Variants in THSD7B observed in about 807,000 individuals in gnomAD.
THSD7B encodes thrombospondin type 1 domain containing 7B, also known as thrombospondin type-1 domain-containing protein 7B.
THSD7B carries 138 observed loss-of-function variants against 213.6 expected under a neutral mutation model. That is an observed-to-expected ratio of 0.65 (90% CI 0.56 to 0.74). THSD7B has a LOEUF of 0.74. Among genes scored for constraint, THSD7B ranks in the 30% least tolerant of loss-of-function variants. The pLI is 0.00. For synonymous variants in THSD7B, 742 were observed against 687.0 expected (o/e 1.08, Z -1.25); for missense variants, 1,931 against 1,991.5 (o/e 0.97, Z 0.58).
intron 16 of THSD7B, among the ~76,000 whole-genome samples, chr2:137,571,724 CA>C (rs1681358922): frequency 6.6e-6 from 1 of 152,150 alleles, no homozygotes; most frequent in African/African-American, 2.4e-5. Context: ...GTACTTATCT[CA>C]AAACCTGACA....
intron 2 of THSD7B, among the ~76,000 whole-genome samples, chr2:136,913,574 T>C (rs1348126106): frequency 6.6e-6 from 1 of 152,146 alleles, no homozygotes; most frequent in African/African-American, 2.4e-5. Flanking sequence ...AGGCCCAGGA[T>C]CCCCATGCTG....
At chr2:137,451,233 C>T (rs574625834) in intron 15 of THSD7B, among the ~76,000 whole-genome samples, 2 of 151,692 alleles carry the variant, frequency 1.3e-5, no homozygotes, top group Admixed American at 1.3e-4. Context: ...AACTTGGTAT[C>T]CTTAGTAGTA....
chr2:137,057,873 A>G lies in THSD7B; in HGVS notation c.950+643A>G, dbSNP rs550596058. Among the ~76,000 whole-genome samples, 106 of 152,354 alleles carry G rather than the reference A, an allele frequency of 7.0e-4. 1 individual carries two copies. The highest frequency in any genetic ancestry group is 2.5e-3 in the African/African-American group (105 of 41,586). On this transcript the variant is annotated intron_variant, in intron 3 of 27. Transcript: ENST00000409968. ...AAGCAACAGCTTAGGTTTCAAATTT[A>G]TGCTTGTTTTATTTTAAATTGTAGT... is the stretch of plus-strand genomic sequence containing the variant.
chr2:137,521,786 G>A (rs1008767081), intron 15 of THSD7B, among the ~76,000 whole-genome samples: 1 of 152,166 alleles, frequency 6.6e-6, no homozygotes, highest in Non-Finnish European at 1.5e-5. Flanking sequence ...CTTAGCATAT[G>A]GTCACCATGT....
chr2:137,433,232 A>G (rs540717569), intron 14 of THSD7B, among the ~76,000 whole-genome samples: 1 of 152,292 alleles, frequency 6.6e-6, no homozygotes, highest in South Asian at 2.1e-4. Context: ...TAGGGAAGAA[A>G]ATGTGATCTA....
At chr2:137,100,633 T>C (rs1233671043) in intron 4 of THSD7B, among the ~76,000 whole-genome samples, 1 of 152,098 alleles carries the variant, frequency 6.6e-6, no homozygotes, top group African/African-American at 2.4e-5. Flanking sequence ...TCGTAGTAAA[T>C]GCTCACCAAA....
intron 2 of THSD7B, among the ~76,000 whole-genome samples, chr2:137,046,546 A>G (rs1368775932): frequency 6.6e-6 from 1 of 152,016 alleles, no homozygotes; most frequent in Non-Finnish European, 1.5e-5. Flanking sequence ...CCTGGCCAAC[A>G]TGGCGAAACA....
At chr2:137,342,240 A>G (rs545741636) in intron 12 of THSD7B, among the ~76,000 whole-genome samples, 1 of 151,260 alleles carries the variant, frequency 6.6e-6, no homozygotes, top group African/African-American at 2.4e-5. Flanking sequence ...CTTATTCCCA[A>G]ATTTATTTAT....
rs1159345487 is a variant in THSD7B at position 137,676,694 on chromosome 2, T to G, written c.*89T>G. The G allele has an allele frequency of 2.5e-6, 3 of 1,195,600 alleles. No homozygotes were observed. Among genetic ancestry groups the G allele is most frequent in the Non-Finnish European group, 3.4e-6 (3 of 871,070 alleles). 74.1% of individuals were successfully genotyped at this position (1,195,600 alleles called of 1,614,324 possible). On this transcript the variant is annotated 3_prime_UTR_variant, in exon 28 of 28. Coordinates refer to ENST00000409968, the MANE Select transcript of THSD7B (RefSeq NM_001316349.2). Reference sequence around the variant, plus strand: ...AGACTTCTCAGTTTTTTGAGGAATCTCAAGATGTGATATATTGGGCAGAAT... The same window carrying G: ...AGACTTCTCAGTTTTTTGAGGAATCGCAAGATGTGATATATTGGGCAGAAT...
chr2:136,813,260 TTTA>T lies in THSD7B; in HGVS notation c.-36+47582_-36+47584del, dbSNP rs142996726. Among the ~76,000 whole-genome samples the T allele has an allele frequency of 3.6e-3, 544 of 152,300 alleles. 22 individuals carry two copies. The East Asian group carries it at 0.078, about 22-fold the overall frequency. On this transcript the variant is annotated intron_variant, in intron 1 of 27. Transcript: ENST00000409968. ...CTATGTGTCAAACAGTCTTTCTTTT[TTTA>T]TTATTATTCTTAATTAAAGCCATTT... is the stretch of plus-strand genomic sequence containing the variant.
chr2:137,383,503 G>T (rs934541698), intron 12 of THSD7B, among the ~76,000 whole-genome samples: 2 of 152,274 alleles, frequency 1.3e-5, no homozygotes, highest in South Asian at 4.1e-4. Context: ...AAATGGATGT[G>T]CTGCAGTCAA....
chr2:137,364,478 T>C (rs915262764), intron 12 of THSD7B, among the ~76,000 whole-genome samples: 13 of 152,200 alleles, frequency 8.5e-5, no homozygotes, highest in Non-Finnish European at 1.6e-4. Flanking sequence ...GATGACATGA[T>C]TGTATATTTA....
chr2:137,334,682 G>C (rs920287530), intron 12 of THSD7B, among the ~76,000 whole-genome samples: 2 of 152,116 alleles, frequency 1.3e-5, no homozygotes, highest in African/African-American at 4.8e-5. Context: ...ATTTCTGAAT[G>C]CATTTTCCCC....
intron 1 of THSD7B, among the ~76,000 whole-genome samples, chr2:136,864,536 T>G (rs1353431135): frequency 6.6e-6 from 1 of 152,182 alleles, no homozygotes; most frequent in Non-Finnish European, 1.5e-5. Context: ...ATTTCTTTTT[T>G]ATCATTTTCT....
At chr2:137,326,674 A>G (rs1445829228) in intron 12 of THSD7B, among the ~76,000 whole-genome samples, 1 of 152,190 alleles carries the variant, frequency 6.6e-6, no homozygotes, top group Admixed American at 6.5e-5. Flanking sequence ...TATTGATTTC[A>G]TGCCTATCAA....
intron 12 of THSD7B, among the ~76,000 whole-genome samples, chr2:137,285,211 T>G (rs1278036897): frequency 1.3e-5 from 2 of 152,160 alleles, no homozygotes; most frequent in South Asian, 2.1e-4. Context: ...TATCAGAGAC[T>G]AGGATTGCAA....
intron 2 of THSD7B, among the ~76,000 whole-genome samples, chr2:136,946,178 A>G (rs566693035): frequency 1.3e-5 from 2 of 152,228 alleles, no homozygotes; most frequent in East Asian, 1.9e-4. Context: ...TGTTTATGCT[A>G]TTCCTTTCTG....
In THSD7B at chr2:137,462,787, C is replaced by G. The variant is rs75855673; in HGVS notation, c.3138+11764C>G. Among the ~76,000 whole-genome samples the G allele has an allele frequency of 1.4e-3, 210 of 151,726 alleles. 5 individuals are homozygous for G. In the East Asian group the frequency reaches 0.039, roughly 28 times the overall value. On this transcript the variant is annotated intron_variant, in intron 15 of 27. Transcript: ENST00000409968. ...AACCTTATTTTACTTAAAAATGGCT[C>G]AGAAGCACAAGAGTAGTGAAGCTCA...
intron 12 of THSD7B, among the ~76,000 whole-genome samples, chr2:137,281,585 G>A (rs1573931077): frequency 2.1e-5 from 3 of 145,334 alleles, no homozygotes; most frequent in African/African-American, 5.1e-5. Flanking sequence ...CCCGGTATGT[G>A]ATGTTCCCCT....
Sources: allele counts gnomAD v4.1 joint callset (sites outside exome capture counted in the v4.1 genomes callset), GRCh38; gene constraint gnomAD v4.1.1; transcripts MANE v1.5; gene names NCBI Gene and HGNC (gene_info 2026-07-23, HGNC 2026-07-21).